Variants in CTPS2 observed in about 807,000 individuals in gnomAD.
CTPS2 encodes CTP synthase II.
CTPS2 carries 19 observed loss-of-function variants against 46.8 expected under a neutral mutation model. The observed-to-expected ratio is 0.41, with a 90% CI of 0.28 to 0.60. CTPS2 has a LOEUF of 0.60. Ranked by LOEUF, CTPS2 falls within the 20% of genes least tolerant of loss-of-function variation. The pLI is 0.35. For missense variants in CTPS2, 286 were observed against 447.6 expected (o/e 0.64, Z 3.26); for synonymous variants, 151 against 165.2 (o/e 0.91, Z 0.66).
intron 14 of CTPS2, among the ~76,000 whole-genome samples, chrX:16,626,385 AAAAG>A (rs1931152490): frequency 9.0e-6 from 1 of 110,720 alleles, no homozygotes. Flanking sequence ...TGTCTCAAAA[AAAAG>A]AAAGAAAGAA....
At chrX:16,597,372 A>G (rs915512886) in intron 17 of CTPS2, among the ~76,000 whole-genome samples, 1 of 112,103 alleles carries the variant, frequency 8.9e-6, no homozygotes, top group African/African-American at 3.2e-5. Context: ...ATTTTGGTAT[A>G]AGGTGTAAGG....
At chrX:16,704,813 G>A (rs973607848) in intron 1 of CTPS2, among the ~76,000 whole-genome samples, 2 of 110,609 alleles carry the variant, frequency 1.8e-5, no homozygotes, top group African/African-American at 6.6e-5. Context: ...CAGGTGTGGT[G>A]GTGCATGCCT....
chrX:16,611,114 C>T (rs1481656302), intron 16 of CTPS2, among the ~76,000 whole-genome samples: 1 of 111,347 alleles, frequency 9.0e-6, no homozygotes, highest in Non-Finnish European at 1.9e-5. Flanking sequence ...GTGATGGGAT[C>T]CATACCCTAA....
intron 13 of CTPS2, among the ~76,000 whole-genome samples, chrX:16,655,863 T>C (rs1044715700): frequency 9.1e-6 from 1 of 110,482 alleles, no homozygotes; most frequent in Non-Finnish European, 1.9e-5. Context: ...TGGCACGATC[T>C]TGGCTCACTG....
At chrX:16,691,254 G>C (rs896396780) in intron 7 of CTPS2, among the ~76,000 whole-genome samples, 3 of 111,948 alleles carry the variant, frequency 2.7e-5, no homozygotes, top group African/African-American at 9.7e-5. Flanking sequence ...AGGAGGCAGA[G>C]GTTGCGGTGA....
chrX:16,613,235 C>T lies in CTPS2; in HGVS notation c.1547-3550G>A, dbSNP rs186476388. Among the ~76,000 whole-genome samples the T allele has an allele frequency of 3.1e-3, 344 of 112,159 alleles. 2 individuals are homozygous for T. The highest frequency in any genetic ancestry group is 0.01 in the African/African-American group (324 of 30,908). ...TGGAAATGCAGGTTCTGGAACATCACGGTACCATTTTTACAGTATCCTGCA... is the reference window on the plus strand; with the variant it reads ...TGGAAATGCAGGTTCTGGAACATCATGGTACCATTTTTACAGTATCCTGCA... On this transcript the variant is annotated intron_variant, in intron 16 of 18. Coordinates refer to ENST00000359276, the MANE Select transcript of CTPS2 (RefSeq NM_175859.3).
At chrX:16,710,154 G>T (rs749673212) in intron 1 of CTPS2, among the ~76,000 whole-genome samples, 1 of 111,134 alleles carries the variant, frequency 9.0e-6, no homozygotes, top group Non-Finnish European at 1.9e-5. Flanking sequence ...ACAACAGCTG[G>T]CCATAAAGAA....
At chrX:16,647,571 T>C (rs181461590) in intron 13 of CTPS2, among the ~76,000 whole-genome samples, 2 of 109,881 alleles carry the variant, frequency 1.8e-5, no homozygotes, top group African/African-American at 6.6e-5. Flanking sequence ...CCCGGCCGCA[T>C]TGGGCTGATT....
chrX:16,693,419 C>T lies in CTPS2; in HGVS notation c.507G>A (p.Lys169=). Residue 169 remains lysine, a synonymous_variant, in exon 5 of 19, where the codon AAG becomes AAA. Coordinates refer to ENST00000359276, the MANE Select transcript of CTPS2 (RefSeq NM_175859.3). Reference sequence around the variant, plus strand: ...TATTACAGAAATTCTCTCTTTTCGCCTTAAACTGGAATTGTCTAAACGCCT... The same window carrying T: ...TATTACAGAAATTCTCTCTTTTCGCTTTAAACTGGAATTGTCTAAACGCCT... ...FVEAFRQFQF[K]AKRENFCNIH... 1 of 1,210,529 alleles carries T rather than the reference C, an allele frequency of 8.3e-7. No homozygotes were observed. Among genetic ancestry groups the T allele is most frequent in the Non-Finnish European group, 1.1e-6 (1 of 894,460 alleles).
chrX:16,693,394 T>C lies in CTPS2; in HGVS notation c.532A>G (p.Ile178Val), dbSNP rs1923858372. 8.3e-7 allele frequency: 1 copy of C among 1,204,080 alleles called. No individual in the cohort carries two copies. The highest frequency in any genetic ancestry group is 1.8e-5 in the South Asian group (1 of 56,654). ...FKAKRENFCN[I>V]HVSLVPQLSA... ...ACCTGTGGGACAAGGCTAACGTGGATATTACAGAAATTCTCTCTTTTCGCC... is the reference window on the plus strand; with the variant it reads ...ACCTGTGGGACAAGGCTAACGTGGACATTACAGAAATTCTCTCTTTTCGCC... The change falls in exon 5 of 19, where the codon ATC becomes GTC. Residue 178 changes from isoleucine (I) to valine (V), a missense_variant. By Grantham distance (29) the Ile-to-Val change is conservative. Transcript: ENST00000359276.
rs1397516463 is a variant in CTPS2, at chrX:16,691,539, C to T, written c.720+1G>A. ...AATAAAATCTAAAGAGCAGCACCAA[C>T]CTGTTCAGGGTTCACGTGACAAAAC... is the stretch of plus-strand genomic sequence containing the variant. On this transcript the variant is annotated splice_donor_variant, in intron 7 of 18. Coordinates refer to ENST00000359276, the MANE Select transcript of CTPS2 (RefSeq NM_175859.3). LOFTEE classifies it high-confidence loss of function. The T allele has an allele frequency of 1.7e-6, 2 of 1,207,745 alleles. No homozygotes were observed. Among genetic ancestry groups the T allele is most frequent in the Non-Finnish European group, 1.1e-6 (1 of 891,750 alleles).
chrX:16,706,158 T>A (rs1425261630), intron 1 of CTPS2, among the ~76,000 whole-genome samples: 1 of 110,287 alleles, frequency 9.1e-6, no homozygotes, highest in Non-Finnish European at 1.9e-5. Context: ...GCACAGTGGC[T>A]CACGCCTATA....
At chrX:16,680,350 G>A (rs1922631941) in intron 9 of CTPS2, among the ~76,000 whole-genome samples, 1 of 110,235 alleles carries the variant, frequency 9.1e-6, no homozygotes, top group Admixed American at 9.8e-5. Context: ...CTTAAGGCCA[G>A]GAGTTTAAGA....
At chrX:16,685,066 G>C (rs1203342263) in intron 8 of CTPS2, among the ~76,000 whole-genome samples, 13 of 111,258 alleles carry the variant, frequency 1.2e-4, no homozygotes, top group Non-Finnish European at 2.5e-4. Context: ...ACTCCAGCCT[G>C]GGCGACAGAG....
Position 16,699,052 on chromosome X carries a change from C to T in CTPS2, c.208G>A (p.Asp70Asn), listed in dbSNP as rs1373730569. Residue 70 changes from aspartate to asparagine, a missense_variant, in exon 3 of 19, where the codon GAC (aspartate) becomes AAC (asparagine). Physicochemically the swap from Asp to Asn is conservative, Grantham distance 23 (BLOSUM62 1). Transcript: ENST00000359276. ...VLNDGGEVDL[D>N]LGNYERFLDI... Reference sequence around the variant, plus strand: ...AAAAATCTTTCATAATTTCCAAGGTCTAAATCAACTTCTCCACCATCATTT... The same window carrying T: ...AAAAATCTTTCATAATTTCCAAGGTTTAAATCAACTTCTCCACCATCATTT... 1 of 1,178,300 alleles carries T rather than the reference C, an allele frequency of 8.5e-7. No homozygotes were observed. Among genetic ancestry groups the T allele is most frequent in the Non-Finnish European group, 1.1e-6 (1 of 881,005 alleles).
At chrX:16,644,190 A>G (rs1932204964) in intron 13 of CTPS2, among the ~76,000 whole-genome samples, 1 of 108,764 alleles carries the variant, frequency 9.2e-6, no homozygotes, top group African/African-American at 3.4e-5. Flanking sequence ...GCTGGGGTGC[A>G]GTGGCATGAT....
chrX:16,675,091 C>A (rs1922156598), intron 10 of CTPS2, among the ~76,000 whole-genome samples: 1 of 109,086 alleles, frequency 9.2e-6, no homozygotes, highest in Non-Finnish European at 1.9e-5. Context: ...CATGGTGAAA[C>A]CCCATCTCTA....
At chrX:16,674,716 T>G (rs375978120) in intron 10 of CTPS2, among the ~76,000 whole-genome samples, 2 of 106,256 alleles carry the variant, frequency 1.9e-5, no homozygotes, top group African/African-American at 3.5e-5. Context: ...CAGGCGCCTG[T>G]AGTCCCAGCT....
intron 13 of CTPS2, chrX:16,651,043 A>G (rs778649375): frequency 8.3e-7 from 1 of 1,206,377 alleles, no homozygotes; most frequent in Non-Finnish European, 1.1e-6. Context: ...ACTGAAGAGG[A>G]TTTTTGAAAA....
Sources: gnomAD v4.1 joint callset for allele counts (sites outside exome capture counted in the v4.1 genomes callset) on GRCh38, gnomAD v4.1.1 for gene constraint, MANE v1.5 for transcripts, NCBI Gene and HGNC (gene_info 2026-07-23, HGNC 2026-07-21) for gene names.